The following FANCA variants were observed in gnomAD, a reference collection of about 807,000 sequenced individuals.
The protein encoded by FANCA is Fanconi anemia group A protein.
A neutral mutation model predicts 194.3 loss-of-function variants in FANCA; 236 were observed. The observed-to-expected ratio is 1.21, with a 90% CI of 1.09 to 1.35. The LOEUF (loss-of-function observed/expected upper bound fraction) is 1.35, where lower values mean the gene tolerates loss of function less well. Ranked by LOEUF, FANCA falls within the 40% of genes most tolerant of loss-of-function variation. The probability of loss-of-function intolerance (pLI) is 0.00; values close to 1 mark genes in which losing one functional copy is unlikely to be tolerated. For synonymous variants in FANCA, 1,014 were observed against 715.8 expected, an observed-to-expected ratio of 1.42 and a Z score of -6.65; for missense variants, 2,628 against 1,813.9, an observed-to-expected ratio of 1.45 and a Z score of -8.15.
At chr16:89,795,323 T>TAAATAAATAAATAAAA (rs1555564092) in intron 11 of FANCA, among the ~76,000 whole-genome samples, 1 of 147,860 alleles carries the variant, frequency 6.8e-6, no homozygotes, top group African/African-American at 2.6e-5. Context: ...AATAAATAAA[T>TAAATAAATAAATAAAA]AAAATAAAGA....
At position 89,808,242 on chromosome 16, in the gene FANCA, TACTAG is replaced by T. The variant is rs551950334; in HGVS notation, c.596+47_596+51del. On this transcript the variant is annotated intron_variant, in intron 6 of 42. Transcript: ENST00000389301. ...ATTCTGGGCTTTGAAATATAATTTA[TACTAG>T]ACTAGACTGCAAAAACAGTAACACT... 2.3e-5 allele frequency: 35 copies of T among 1,545,790 alleles called. No individual in the cohort carries two copies. The East Asian group carries it at 2.9e-4, about 13-fold the overall frequency.
At chr16:89,776,703 C>T (rs1193351038) in intron 20 of FANCA, among the ~76,000 whole-genome samples, 2 of 151,682 alleles carry the variant, frequency 1.3e-5, no homozygotes, top group South Asian at 4.2e-4. Context: ...TGGTGGCGGG[C>T]GCCTGCAGTC....
intron 26 of FANCA, among the ~76,000 whole-genome samples, chr16:89,768,587 C>T (rs911662268): frequency 3.3e-5 from 5 of 151,838 alleles, no homozygotes; most frequent in East Asian, 3.9e-4. Context: ...ACCCGGGAGG[C>T]GGAGGTTACA....
rs558791610 is a variant in FANCA, at chr16:89,816,046, C to T, written c.80-60G>A. 5 of 1,333,086 alleles carry T rather than the reference C, an allele frequency of 3.8e-6. No homozygotes were observed. In the East Asian group the frequency reaches 9.2e-5, roughly 25 times the overall value. 82.6% of individuals were successfully genotyped at this position (1,333,086 alleles called of 1,614,324 possible). ...ACAATTCACACACGGGGTCCCCGGC[C>T]CGACGCGCAGGTGGACGCCGCGGAG... On this transcript the variant is annotated intron_variant, in intron 1 of 42. Coordinates refer to ENST00000389301, the MANE Select transcript of FANCA (RefSeq NM_000135.4).
Position 89,768,035 on chromosome 16 carries a change from G to C in FANCA, c.2505-798C>G, listed in dbSNP as rs57718983. 3.4e-3 allele frequency among the ~76,000 whole-genome samples: 525 copies of C among 152,290 alleles called. 5 individuals carry two copies. The highest frequency in any genetic ancestry group is 0.012 in the African/African-American group (502 of 41,564). ...ATACAGGGCCTTACTCTGATGCCCA[G>C]GCTGGAGTGCAGTCGCACAATCACA... On this transcript the variant is annotated intron_variant, in intron 26 of 42. Coordinates refer to ENST00000389301, the MANE Select transcript of FANCA (RefSeq NM_000135.4).
At chr16:89,802,356 G>C (rs1186111493) in intron 8 of FANCA, among the ~76,000 whole-genome samples, 4 of 151,500 alleles carry the variant, frequency 2.6e-5, no homozygotes, top group African/African-American at 7.3e-5. Context: ...ACCAGTCTCA[G>C]CCTCCCAAAG....
intron 8 of FANCA, among the ~76,000 whole-genome samples, chr16:89,799,902 G>C (rs1298692465): frequency 2.0e-5 from 3 of 152,208 alleles, no homozygotes; most frequent in African/African-American, 7.2e-5. Context: ...GCTGAGGCAG[G>C]AGAATGGCGT....
At chr16:89,757,591 G>A (rs2038808155) in intron 30 of FANCA, among the ~76,000 whole-genome samples, 1 of 152,182 alleles carries the variant, frequency 6.6e-6, no homozygotes, top group East Asian at 1.9e-4. Flanking sequence ...AGGAGACATG[G>A]GGGGAAGCTG....
chr16:89,778,862 G>C lies in FANCA; in HGVS notation c.1777-12C>G, dbSNP rs748351912. The stretch of plus-strand genomic sequence containing the variant: ...GGGACTTTGGGGAGCTGTGGGAAGA[G>C]AAGAGACCTGTGAGAGACTGACAAG... On this transcript the variant is annotated splice_polypyrimidine_tract_variant and intron_variant, in intron 19 of 42. Transcript: ENST00000389301. 7 of 1,613,986 alleles carry C rather than the reference G, an allele frequency of 4.3e-6. No individual in the cohort carries two copies. The highest frequency in any genetic ancestry group is 1.6e-4 in the Middle Eastern group (1 of 6,062).
intron 10 of FANCA, among the ~76,000 whole-genome samples, chr16:89,798,143 A>G (rs1397756392): frequency 2.0e-5 from 3 of 152,122 alleles, no homozygotes; most frequent in South Asian, 2.1e-4. Flanking sequence ...AAGACACCAG[A>G]GGGCTTGCTC....
Position 89,779,902 on chromosome 16 carries a change from G to C in FANCA, c.1682C>G (p.Thr561Arg), listed in dbSNP as rs148154682. The change falls in exon 18 of 43, where the codon ACG (threonine) becomes AGG (arginine). Residue 561 changes from threonine to arginine, a missense_variant. By Grantham distance (71) the Thr-to-Arg change is moderately conservative (BLOSUM62 -1). Coordinates refer to ENST00000389301, the MANE Select transcript of FANCA (RefSeq NM_000135.4). ...VEKAIMVFEHTGNIPVTVMEA... is the reference protein window; with the variant it reads ...VEKAIMVFEHRGNIPVTVMEA... ...CATGACGGTGACTGGGATGTTCCCC[G>C]TATGCTCAAACACCATGATGGCCTT... is the stretch of plus-strand genomic sequence containing the variant. 9.3e-6 allele frequency: 15 copies of C among 1,613,906 alleles called. No individual in the cohort carries two copies. The highest frequency in any genetic ancestry group is 2.7e-5 in the African/African-American group (2 of 74,928).
chr16:89,808,737 G>A (rs1228149730), intron 5 of FANCA, among the ~76,000 whole-genome samples: 1 of 152,140 alleles, frequency 6.6e-6, no homozygotes, highest in African/African-American at 2.4e-5. Context: ...GAAGCTGCCA[G>A]GACAAAGGTC....
chr16:89,771,084 G>C (rs899775662), intron 23 of FANCA, among the ~76,000 whole-genome samples: 4 of 149,620 alleles, frequency 2.7e-5, no homozygotes, highest in Non-Finnish European at 5.9e-5. Flanking sequence ...AGAACTGCTT[G>C]AACCCAGGAG....
intron 30 of FANCA, among the ~76,000 whole-genome samples, chr16:89,752,473 A>T (rs1332242465): frequency 6.6e-6 from 1 of 152,264 alleles, no homozygotes; most frequent in Admixed American, 6.5e-5. Context: ...CAAGCCACCC[A>T]GGCACCAAGG....
At chr16:89,761,888 G>C in intron 29 of FANCA, 61 bp downstream of exon 29, 1 of 1,362,448 alleles carries the variant, frequency 7.3e-7, no homozygotes, top group Admixed American at 1.7e-5. Context: ...GCCTCCCAAA[G>C]TGCTGGGATT....
At chr16:89,764,651 G>A (rs988602135) in intron 28 of FANCA, among the ~76,000 whole-genome samples, 1 of 152,198 alleles carries the variant, frequency 6.6e-6, no homozygotes, top group African/African-American at 2.4e-5. Flanking sequence ...AACGATTTTA[G>A]TCAAGATTCC....
rs1200375986 is a variant in FANCA at position 89,782,865 on chromosome 16, A to G, written c.1620T>C (p.Ile540=). 1 of 1,613,822 alleles carries G rather than the reference A, an allele frequency of 6.2e-7. No homozygotes were observed. The highest frequency in any genetic ancestry group is 8.5e-7 in the Non-Finnish European group (1 of 1,179,684). The stretch of plus-strand genomic sequence containing the variant: ...AGGGCTCAAGCAACATTACCTCAGT[A>G]ATGTCCCCAGCTGATGACAAATCCT... ...LYEDLSSAGD[I]TEPHSQALQD... is the part of the protein sequence containing the mutation. The change falls in exon 17 of 43, where the codon ATT becomes ATC. Residue 540 remains isoleucine, a synonymous_variant. Transcript: ENST00000389301.
chr16:89,776,389 G>A (rs1183303339), intron 20 of FANCA, among the ~76,000 whole-genome samples: 5 of 151,216 alleles, frequency 3.3e-5, no homozygotes, highest in Non-Finnish European at 7.4e-5. Flanking sequence ...GGCTGGCCTC[G>A]AACTCGTGAC....
intron 6 of FANCA, 60 bp from the exon 7 acceptor site, chr16:89,805,452 A>T (rs1046155338): frequency 7.2e-7 from 1 of 1,394,442 alleles, no homozygotes; most frequent in Admixed American, 1.8e-5. Flanking sequence ...CAGGGGATTG[A>T]GTTGAGCCAT....
Sources: gnomAD v4.1 joint callset for allele counts (sites outside exome capture counted in the v4.1 genomes callset) on GRCh38, gnomAD v4.1.1 for gene constraint, MANE v1.5 for transcripts, NCBI Gene and HGNC (gene_info 2026-07-23, HGNC 2026-07-21) for gene names.